TMC1: variants seen among roughly 807,000 people sequenced by gnomAD.
TMC1 encodes the protein transmembrane channel-like protein 1.
In TMC1, 84 loss-of-function variants were observed where a neutral mutation model predicts 105.8. That is an observed-to-expected ratio of 0.79 (90% CI 0.67 to 0.95). The LOEUF (loss-of-function observed/expected upper bound fraction) is 0.95. Ranked by LOEUF, TMC1 falls within the 40% of genes least tolerant of loss-of-function variation. The pLI, the probability that TMC1 is intolerant of heterozygous loss-of-function variation, is 0.00. For synonymous variants in TMC1, 315 were observed against 311.5 expected, an observed-to-expected ratio of 1.01 and a Z score of -0.12; for missense variants, 817 against 914.1, an observed-to-expected ratio of 0.89 and a Z score of 1.37.
At chr9:72,526,230 A>C (rs898457867) in intron 1 of TMC1, among the ~76,000 whole-genome samples, 32 of 148,762 alleles carry the variant, frequency 2.2e-4, no homozygotes, top group African/African-American at 7.1e-4. Context: ...TCACTTTAGC[A>C]CTTAAAATAA....
chr9:72,683,312 A>G (rs1826317350), intron 5 of TMC1, among the ~76,000 whole-genome samples: 1 of 152,094 alleles, frequency 6.6e-6, no homozygotes, highest in South Asian at 2.1e-4. Context: ...AAATATCTAA[A>G]TGCTGTTCTT....
chr9:72,563,471 G>A (rs1824093116), intron 1 of TMC1, among the ~76,000 whole-genome samples: 1 of 152,168 alleles, frequency 6.6e-6, no homozygotes, highest in Non-Finnish European at 1.5e-5. Flanking sequence ...GGATGCCAGA[G>A]GCATTTCTAG....
intron 5 of TMC1, among the ~76,000 whole-genome samples, chr9:72,658,652 A>G (rs1382144195): frequency 1.3e-5 from 2 of 152,200 alleles, no homozygotes; most frequent in Non-Finnish European, 2.9e-5. Context: ...TTATTTTTTC[A>G]AAAGCAAGAA....
At chr9:72,622,091 A>T (rs933903560) in intron 3 of TMC1, among the ~76,000 whole-genome samples, 3 of 152,110 alleles carry the variant, frequency 2.0e-5, no homozygotes, top group Non-Finnish European at 4.4e-5. Context: ...CAACTTTGTC[A>T]ATTGAGGGCA....
At chr9:72,660,039 C>T (rs541453024) in intron 5 of TMC1, among the ~76,000 whole-genome samples, 1 of 152,128 alleles carries the variant, frequency 6.6e-6, no homozygotes, top group African/African-American at 2.4e-5. Context: ...CTGTCCTTCT[C>T]CTTGAGGAGG....
intron 5 of TMC1, chr9:72,655,843 C>T (rs1825875787): frequency 1.3e-6 from 1 of 748,844 alleles, no homozygotes; most frequent in Non-Finnish European, 2.4e-6. Context: ...TATACGTCTA[C>T]AATGGTGACT....
rs563399851 is a variant in TMC1, at chr9:72,833,412, G to T, written c.2261-2539G>T. On this transcript the variant is annotated intron_variant, in intron 23 of 23. Transcript: ENST00000297784. ...TATCTGTCCATTTCATTTCCTTAGA[G>T]AAATCTTTCCCAGAATCTTCTGCAC... 2.1e-4 allele frequency among the ~76,000 whole-genome samples: 32 copies of T among 152,250 alleles called. 1 individual carries two copies. Among genetic ancestry groups the T allele is most frequent in the African/African-American group, 7.7e-4 (32 of 41,544 alleles).
intron 7 of TMC1, among the ~76,000 whole-genome samples, chr9:72,696,760 AGTGG>A (rs1826558094): frequency 6.6e-6 from 1 of 152,152 alleles, no homozygotes; most frequent in African/African-American, 2.4e-5. Context: ...CCCAGTTTTA[AGTGG>A]ATAAGTAATA....
intron 5 of TMC1, among the ~76,000 whole-genome samples, chr9:72,678,953 A>T (rs1826247555): frequency 6.6e-6 from 1 of 152,040 alleles, no homozygotes. Flanking sequence ...TTGAGATAAA[A>T]ATTCTTAGTA....
In TMC1 at chr9:72,685,100, C is replaced by CTTTTTTTTT. The variant is rs71359515; in HGVS notation, c.17-3593_17-3585dup. 6.7e-4 allele frequency among the ~76,000 whole-genome samples: 61 copies of CTTTTTTTTT among 91,040 alleles called. 2 individuals are homozygous for CTTTTTTTTT. Among genetic ancestry groups the CTTTTTTTTT allele is most frequent in the African/African-American group, 2.6e-3 (55 of 21,114 alleles). The allele number at this position is 91,040 out of a possible 152,430, so 59.7% of individuals were successfully genotyped here. On this transcript the variant is annotated intron_variant, in intron 5 of 23. Coordinates refer to ENST00000297784, the MANE Select transcript of TMC1 (RefSeq NM_138691.3). The stretch of plus-strand genomic sequence containing the variant: ...CAAACCTTACTGTTATAAAGTCATT[C>CTTTTTTTTT]TTTTTTTTTTTTTTTTTTTTTTTTG...
In TMC1 at chr9:72,607,444, C is replaced by G. The variant is rs554679851; in HGVS notation, c.-305-8924C>G. On this transcript the variant is annotated intron_variant, in intron 2 of 23. Coordinates refer to ENST00000297784, the MANE Select transcript of TMC1 (RefSeq NM_138691.3). Reference sequence around the variant, plus strand: ...ACCATCCTGGCTAACATGGTGAAACCCCGTCTCTACTAAAAATACAAAAAA... The same window carrying G: ...ACCATCCTGGCTAACATGGTGAAACGCCGTCTCTACTAAAAATACAAAAAA... Among the ~76,000 whole-genome samples, 91 of 151,376 alleles carry G rather than the reference C, an allele frequency of 6.0e-4. 2 individuals carry two copies. The highest frequency in any genetic ancestry group is 1.9e-3 in the African/African-American group (77 of 41,208).
At chr9:72,619,614 T>C (rs1564448870) in intron 3 of TMC1, among the ~76,000 whole-genome samples, 1 of 151,932 alleles carries the variant, frequency 6.6e-6, no homozygotes, top group Non-Finnish European at 1.5e-5. Context: ...GCATGTATAA[T>C]TTTATATTTT....
chr9:72,760,087 T>G (rs1335009501), intron 12 of TMC1, among the ~76,000 whole-genome samples: 1 of 152,170 alleles, frequency 6.6e-6, no homozygotes, highest in Non-Finnish European at 1.5e-5. Flanking sequence ...TTTGTATCAT[T>G]TAAATATTAT....
At chr9:72,823,298 T>C (rs1291789354) in intron 20 of TMC1, among the ~76,000 whole-genome samples, 1 of 152,180 alleles carries the variant, frequency 6.6e-6, no homozygotes, top group Non-Finnish European at 1.5e-5. Flanking sequence ...AGAATGCTTG[T>C]ATGCTTGTAC....
chr9:72,556,803 A>G (rs1343247525), intron 1 of TMC1, among the ~76,000 whole-genome samples: 1 of 152,014 alleles, frequency 6.6e-6, no homozygotes, highest in African/African-American at 2.4e-5. Context: ...CCTGGGAGAT[A>G]GAGCGAGACT....
chr9:72,731,858 G>A (rs956617551), intron 8 of TMC1, among the ~76,000 whole-genome samples: 2 of 152,072 alleles, frequency 1.3e-5, no homozygotes, highest in African/African-American at 2.4e-5. Flanking sequence ...TTTGTTCAGG[G>A]TTCCTTGATA....
chr9:72,645,645 T>A (rs1172472769), intron 4 of TMC1, among the ~76,000 whole-genome samples: 2 of 151,970 alleles, frequency 1.3e-5, no homozygotes, highest in African/African-American at 4.8e-5. Context: ...CACCACAGAG[T>A]CCTTCTCCAC....
chr9:72,765,839 A>G (rs1827823345), intron 12 of TMC1, among the ~76,000 whole-genome samples: 1 of 152,186 alleles, frequency 6.6e-6, no homozygotes, highest in Non-Finnish European at 1.5e-5. Context: ...GGCATTGGGC[A>G]TAGGGTCTAG....
chr9:72,648,455 C>G (rs888956180), intron 4 of TMC1, 142 bp from the exon 5 acceptor site: 1 of 637,920 alleles, frequency 1.6e-6, no homozygotes, highest in Admixed American at 2.5e-5. Flanking sequence ...ACTAAACATT[C>G]GTGAAAATTT....
Sources: gnomAD v4.1 joint callset for allele counts (sites outside exome capture counted in the v4.1 genomes callset) on GRCh38, gnomAD v4.1.1 for gene constraint, MANE v1.5 for transcripts, NCBI Gene and HGNC (gene_info 2026-07-23, HGNC 2026-07-21) for gene names.